The following THADA variants were observed in gnomAD, a reference collection of about 807,000 sequenced individuals.
The protein encoded by THADA is THADA armadillo repeat containing.
THADA carries 213 observed loss-of-function variants against 219.8 expected under a neutral mutation model. That is an observed-to-expected ratio of 0.97 (90% CI 0.87 to 1.09). The LOEUF (loss-of-function observed/expected upper bound fraction) is 1.09, where lower values mean the gene tolerates loss of function less well. THADA is among the 50% of genes least tolerant of loss of function. The probability of loss-of-function intolerance (pLI) is 0.00; values close to 1 mark genes in which losing one functional copy is unlikely to be tolerated. For missense variants in THADA, 2,956 were observed against 2,311.3 expected (o/e 1.28, Z -5.72); for synonymous variants, 1,018 against 828.9 (o/e 1.23, Z -3.92).
chr2:43,410,910 AT>A (rs1676215365), intron 28 of THADA, among the ~76,000 whole-genome samples: 1 of 152,218 alleles, frequency 6.6e-6, no homozygotes, highest in African/African-American at 2.4e-5. Context: ...TTTCATATAC[AT>A]TAGAAAAGTT....
chr2:43,589,945 C>T (rs1228989052), intron 4 of THADA, among the ~76,000 whole-genome samples: 1 of 151,914 alleles, frequency 6.6e-6, no homozygotes, highest in African/African-American at 2.4e-5. Context: ...ATCTCTAAGA[C>T]ATTCTTTAGT....
intron 36 of THADA, among the ~76,000 whole-genome samples, chr2:43,269,412 G>A (rs1214725977): frequency 6.6e-6 from 1 of 152,190 alleles, no homozygotes; most frequent in Non-Finnish European, 1.5e-5. Context: ...CAGCAACCAG[G>A]CCCAGCCAGG....
intron 30 of THADA, among the ~76,000 whole-genome samples, chr2:43,322,037 C>T (rs770724123): frequency 6.6e-6 from 1 of 151,956 alleles, no homozygotes; most frequent in African/African-American, 2.4e-5. Flanking sequence ...AAATATGTAT[C>T]AGATACTTTT....
intron 4 of THADA, 133 bp downstream of exon 4, chr2:43,590,691 G>C (rs1701463967): frequency 1.7e-5 from 12 of 726,238 alleles, no homozygotes; most frequent in East Asian, 3.1e-5. Flanking sequence ...CAATGAAACA[G>C]AGAACAAACC....
chr2:43,301,338 A>G (rs1676240521), intron 31 of THADA, among the ~76,000 whole-genome samples: 1 of 152,240 alleles, frequency 6.6e-6, no homozygotes, highest in African/African-American at 2.4e-5. Context: ...ATTCAAAAGA[A>G]CGAATACGCA....
intron 30 of THADA, among the ~76,000 whole-genome samples, chr2:43,324,467 T>C (rs1573069918): frequency 6.6e-6 from 1 of 152,160 alleles, no homozygotes; most frequent in East Asian, 1.9e-4. Flanking sequence ...AAGGAGTCCA[T>C]CCATGGCTTC....
intron 26 of THADA, among the ~76,000 whole-genome samples, chr2:43,473,837 G>C (rs1685205678): frequency 6.6e-6 from 1 of 152,134 alleles, no homozygotes; most frequent in Admixed American, 6.5e-5. Context: ...TCAGACTCCT[G>C]ACCTCAGGTG....
chr2:43,515,227 TAA>T (rs1691435941), intron 22 of THADA, among the ~76,000 whole-genome samples: 1 of 62,176 alleles, frequency 1.6e-5, no homozygotes, highest in Non-Finnish European at 2.9e-5. Flanking sequence ...ATATTATATA[TAA>T]TATATAATAT....
intron 26 of THADA, among the ~76,000 whole-genome samples, chr2:43,478,825 T>C (rs1039233530): frequency 2.6e-5 from 4 of 152,230 alleles, no homozygotes; most frequent in African/African-American, 9.6e-5. Context: ...AAAAACTTTA[T>C]TTGTGGTTCT....
intron 35 of THADA, 88 bp from the exon 36 acceptor site, chr2:43,279,984 G>A (rs1673155108): frequency 1.6e-6 from 2 of 1,289,320 alleles, no homozygotes; most frequent in Non-Finnish European, 1.0e-6. Context: ...TGGAAGAGAG[G>A]AGCATTGAAT....
intron 28 of THADA, among the ~76,000 whole-genome samples, chr2:43,415,816 T>C (rs1178450631): frequency 6.6e-6 from 1 of 152,184 alleles, no homozygotes; most frequent in Non-Finnish European, 1.5e-5. Context: ...CGGGGAATTC[T>C]ATCAGGACAT....
chr2:43,393,543 A>C (rs1018829370), intron 29 of THADA, among the ~76,000 whole-genome samples: 2 of 152,122 alleles, frequency 1.3e-5, no homozygotes, highest in African/African-American at 4.8e-5. Context: ...CCCAGTCTCT[A>C]CTAAAAATAC....
intron 20 of THADA, 105 bp from the exon 21 acceptor site, chr2:43,541,421 A>G: frequency 7.8e-7 from 1 of 1,288,698 alleles, no homozygotes; most frequent in South Asian, 1.3e-5. Flanking sequence ...TGCTTGAACA[A>G]ACCCGATTTG....
In THADA at chr2:43,574,727, T is replaced by C; in HGVS notation, c.1338A>G (p.Arg446=). ...FFVELTESLL[R]LEWHIKGKYT... is the part of the protein sequence containing the mutation. ...ACTTTCCTTTAATATGCCATTCCAA[T>C]CGTAAAAGACTCTCAGTCAATTCCA... Residue 446 remains arginine, a synonymous_variant, in exon 11 of 38, where the codon CGA becomes CGG. Coordinates refer to ENST00000405975, the MANE Select transcript of THADA (RefSeq NM_022065.5). 6.2e-7 allele frequency: 1 copy of C among 1,614,028 alleles called. No individual in the cohort carries two copies. The highest frequency in any genetic ancestry group is 1.1e-5 in the South Asian group (1 of 91,084).
intron 4 of THADA, among the ~76,000 whole-genome samples, chr2:43,590,184 T>A (rs888967102): frequency 1.3e-5 from 2 of 152,188 alleles, no homozygotes; most frequent in African/African-American, 4.8e-5. Context: ...GAAATTTTTA[T>A]ACCAAGCCTA....
chr2:43,492,653 T>G (rs1283162846), intron 25 of THADA, among the ~76,000 whole-genome samples: 2 of 152,148 alleles, frequency 1.3e-5, no homozygotes, highest in East Asian at 1.9e-4. Flanking sequence ...TAAATGAGAT[T>G]TGGGTTCTAA....
chr2:43,384,873 C>T (rs1672452732), intron 29 of THADA, among the ~76,000 whole-genome samples: 1 of 152,122 alleles, frequency 6.6e-6, no homozygotes, highest in Non-Finnish European at 1.5e-5. Context: ...GGTGCAGTGG[C>T]TCACGCCTGT....
intron 15 of THADA, chr2:43,564,878 T>A (rs1698485706): frequency 6.6e-6 from 1 of 152,156 alleles, no homozygotes; most frequent in South Asian, 2.1e-4. Context: ...ATCATAAAAT[T>A]AGAAACTTTC....
At chr2:43,430,438 G>T in intron 26 of THADA, 136 bp from the exon 27 acceptor site, 1 of 574,252 alleles carries the variant, frequency 1.7e-6, no homozygotes, top group Non-Finnish European at 3.1e-6. Flanking sequence ...AGAATCTACA[G>T]CATCTTAAGA....
Sources: allele counts gnomAD v4.1 joint callset (sites outside exome capture counted in the v4.1 genomes callset), GRCh38; gene constraint gnomAD v4.1.1; transcripts MANE v1.5; gene names NCBI Gene and HGNC (gene_info 2026-07-23, HGNC 2026-07-21).